Variants in KCNH1 observed in about 807,000 individuals in gnomAD.
KCNH1 encodes potassium voltage-gated channel subfamily H member 1.
Under a neutral mutation model 69.2 loss-of-function variants are expected in KCNH1, and 27 were observed. The observed-to-expected ratio is 0.39, with a 90% CI of 0.29 to 0.54. The LOEUF (loss-of-function observed/expected upper bound fraction) is 0.54. Ranked by LOEUF, KCNH1 falls within the 20% of genes least tolerant of loss-of-function variation. The probability of loss-of-function intolerance (pLI) is 0.68; values close to 1 mark genes in which losing one functional copy is unlikely to be tolerated. For synonymous variants in KCNH1, 456 were observed against 487.7 expected (o/e 0.93, Z 0.86); for missense variants, 798 against 1,261.6 (o/e 0.63, Z 5.57).
At chr1:210,695,553 C>T (rs192621430) in intron 10 of KCNH1, among the ~76,000 whole-genome samples, 1 of 152,284 alleles carries the variant, frequency 6.6e-6, no homozygotes, top group East Asian at 1.9e-4. Context: ...CATTGTCCCT[C>T]CTTCCCTCAA....
chr1:210,982,864 G>C (rs1404177558), intron 6 of KCNH1, among the ~76,000 whole-genome samples: 1 of 152,182 alleles, frequency 6.6e-6, no homozygotes, highest in Non-Finnish European at 1.5e-5. Flanking sequence ...CACAATGGTT[G>C]AACTAGCTTA....
chr1:210,709,428 C>T (rs1467572991), intron 10 of KCNH1, among the ~76,000 whole-genome samples: 1 of 152,148 alleles, frequency 6.6e-6, no homozygotes, highest in African/African-American at 2.4e-5. Flanking sequence ...GGAACCAACC[C>T]TACAGACACC....
At chr1:210,901,305 T>C (rs969828659) in intron 7 of KCNH1, among the ~76,000 whole-genome samples, 1 of 152,048 alleles carries the variant, frequency 6.6e-6, no homozygotes, top group African/African-American at 2.4e-5. Flanking sequence ...CCAAAATCCA[T>C]CCTGGATTTT....
chr1:211,054,841 T>C (rs1265524248), intron 5 of KCNH1, among the ~76,000 whole-genome samples: 1 of 147,600 alleles, frequency 6.8e-6, no homozygotes, highest in Admixed American at 6.8e-5. Flanking sequence ...GGAAGGGAGA[T>C]AAAAAGGGAA....
intron 5 of KCNH1, among the ~76,000 whole-genome samples, chr1:211,079,911 A>G (rs1161062803): frequency 2.0e-5 from 3 of 152,206 alleles, no homozygotes; most frequent in Admixed American, 2.0e-4. Flanking sequence ...CTGGCACAAG[A>G]CAGAGATGCC....
chr1:210,985,934 C>T lies in KCNH1; in HGVS notation c.1032+32849G>A, dbSNP rs189429286. Reference sequence around the variant, plus strand: ...TGGGAGTCTAAGTCTCTTTCTAGGTCGCTAAGGACTTGCTTTATGAATCTG... The same window carrying T: ...TGGGAGTCTAAGTCTCTTTCTAGGTTGCTAAGGACTTGCTTTATGAATCTG... On this transcript the variant is annotated intron_variant, in intron 6 of 10. Transcript: ENST00000271751. Among the ~76,000 whole-genome samples, 457 of 152,204 alleles carry T rather than the reference C, an allele frequency of 3.0e-3. 1 individual carries two copies. The highest frequency in any genetic ancestry group is 5.0e-3 in the Non-Finnish European group (339 of 68,012).
rs1000004045 is a variant in KCNH1, at chr1:211,081,641, T to TA, written c.558+1138dup. Among the ~76,000 whole-genome samples, 113 of 152,224 alleles carry TA rather than the reference T, an allele frequency of 7.4e-4. 1 individual carries two copies. Among genetic ancestry groups the TA allele is most frequent in the Middle Eastern group, 3.4e-3 (1 of 294 alleles). On this transcript the variant is annotated intron_variant, in intron 5 of 10. Coordinates refer to ENST00000271751, the MANE Select transcript of KCNH1 (RefSeq NM_172362.3). ...ACACCATGGAATACTATGCAGCCAT[T>TA]AAAAAGGATGAGTTCATGTCCTTTG...
intron 7 of KCNH1, among the ~76,000 whole-genome samples, chr1:210,827,428 C>T (rs1338041501): frequency 1.3e-5 from 2 of 152,168 alleles, no homozygotes; most frequent in Non-Finnish European, 2.9e-5. Flanking sequence ...ACACAGCAAA[C>T]GTTACCATGT....
chr1:211,043,222 AAAG>A (rs1268507012), intron 5 of KCNH1, among the ~76,000 whole-genome samples: 5 of 152,306 alleles, frequency 3.3e-5, no homozygotes, highest in African/African-American at 9.6e-5. Context: ...TTAACCAAGA[AAAG>A]AAGAGAGAAA....
intron 6 of KCNH1, among the ~76,000 whole-genome samples, chr1:210,928,895 A>G (rs1041906755): frequency 6.6e-6 from 1 of 152,182 alleles, no homozygotes; most frequent in Non-Finnish European, 1.5e-5. Context: ...CAAGGCTACA[A>G]TGAAAACCTT....
Position 210,786,020 on chromosome 1 carries a change from C to T in KCNH1, c.1916-10476G>A, listed in dbSNP as rs182994406. Among the ~76,000 whole-genome samples the T allele has an allele frequency of 3.4e-4, 51 of 152,168 alleles. No homozygotes were observed. In the East Asian group the frequency reaches 5.6e-3, roughly 17 times the overall value. ...AAAAGGTGATGCCTTGACCTGTACC[C>T]GTCATACTTATTTTCTCTCTTGGTT... On this transcript the variant is annotated intron_variant, in intron 9 of 10. Coordinates refer to ENST00000271751, the MANE Select transcript of KCNH1 (RefSeq NM_172362.3).
At chr1:211,079,755 C>T (rs1039501450) in intron 5 of KCNH1, among the ~76,000 whole-genome samples, 3 of 152,096 alleles carry the variant, frequency 2.0e-5, no homozygotes, top group African/African-American at 7.2e-5. Context: ...AGGCCTTCAA[C>T]AAAATTCAAC....
At chr1:210,876,872 A>C (rs988886733) in intron 7 of KCNH1, among the ~76,000 whole-genome samples, 1 of 152,158 alleles carries the variant, frequency 6.6e-6, no homozygotes, top group African/African-American at 2.4e-5. Context: ...GGTCAAATGC[A>C]GGCATAATTT....
At chr1:210,853,946 C>CAAAAAAAA (rs11445997) in intron 7 of KCNH1, among the ~76,000 whole-genome samples, 11,802 of 60,934 alleles carry the variant, frequency 0.19, 1,891 homozygotes, top group Non-Finnish European at 0.25. Flanking sequence ...TTATCTAAGC[C>CAAAAAAAA]AAAAAAAAAA....
chr1:210,871,076 C>A (rs1686231021), intron 7 of KCNH1, among the ~76,000 whole-genome samples: 1 of 152,154 alleles, frequency 6.6e-6, no homozygotes, highest in Admixed American at 6.6e-5. Context: ...TAAAGAGCTT[C>A]TGCACAGCAA....
chr1:210,903,701 C>A (rs1025329595), intron 7 of KCNH1, among the ~76,000 whole-genome samples: 1 of 152,162 alleles, frequency 6.6e-6, no homozygotes, highest in Admixed American at 6.5e-5. Flanking sequence ...CACCTCAAGT[C>A]ACCTCTCAAT....
At chr1:210,973,749 T>C (rs576523242) in intron 6 of KCNH1, among the ~76,000 whole-genome samples, 2 of 152,304 alleles carry the variant, frequency 1.3e-5, no homozygotes, top group East Asian at 3.9e-4. Flanking sequence ...TCATTAGTCA[T>C]TGCAGCTATT....
chr1:210,678,428 C>T lies in KCNH1; in HGVS notation c.*4853G>A, dbSNP rs774026146. On this transcript the variant is annotated 3_prime_UTR_variant, in exon 11 of 11. Coordinates refer to ENST00000271751, the MANE Select transcript of KCNH1 (RefSeq NM_172362.3). ...AATATCATCAATGGAAGGGCCTGCA[C>T]GTTCCTCTTAACATTCCCAAGCCAC... is the stretch of plus-strand genomic sequence containing the variant. 4.9e-4 allele frequency: 74 copies of T among 152,118 alleles called. 1 individual carries two copies. The highest frequency in any genetic ancestry group is 1.6e-3 in the African/African-American group (67 of 41,416). 9.4% of individuals were successfully genotyped at this position (152,118 alleles called of 1,614,324 possible).
intron 10 of KCNH1, among the ~76,000 whole-genome samples, chr1:210,738,613 C>T (rs112942743): frequency 0.017 from 2,291 of 135,596 alleles, 63 homozygotes; most frequent in African/African-American, 0.06. Flanking sequence ...TCACTAGGCT[C>T]CGGTGCCGTG....
Sources: gnomAD v4.1 joint callset for allele counts (sites outside exome capture counted in the v4.1 genomes callset) on GRCh38, gnomAD v4.1.1 for gene constraint, MANE v1.5 for transcripts, NCBI Gene and HGNC (gene_info 2026-07-23, HGNC 2026-07-21) for gene names.